Variants in PDE7A observed in about 807,000 individuals in gnomAD.
PDE7A encodes high affinity 3',5'-cyclic-AMP phosphodiesterase 7A.
PDE7A carries 39 observed loss-of-function variants against 64.3 expected under a neutral mutation model. That is an observed-to-expected ratio of 0.61 (90% CI 0.47 to 0.79). The LOEUF (loss-of-function observed/expected upper bound fraction) is 0.79. PDE7A is among the 30% of genes least tolerant of loss of function. The pLI is 0.00. For missense variants in PDE7A, 470 were observed against 582.8 expected, an observed-to-expected ratio of 0.81 and a Z score of 1.99; for synonymous variants, 203 against 206.8, an observed-to-expected ratio of 0.98 and a Z score of 0.16.
rs559806876 is a variant in PDE7A at position 65,733,550 on chromosome 8, G to A, written c.696+1244C>T. ...CTGGCCTCCAGCTTGAGCCCAGGATGTCGAGGCTGCAGTGAGCCATGATCA... is the reference window on the plus strand; with the variant it reads ...CTGGCCTCCAGCTTGAGCCCAGGATATCGAGGCTGCAGTGAGCCATGATCA... On this transcript the variant is annotated intron_variant, in intron 7 of 12. Coordinates refer to ENST00000401827, the MANE Select transcript of PDE7A (RefSeq NM_001242318.3). Among the ~76,000 whole-genome samples the A allele has an allele frequency of 3.9e-5, 6 of 152,102 alleles. 1 individual carries two copies. Among genetic ancestry groups the A allele is most frequent in the African/African-American group, 1.4e-4 (6 of 41,496 alleles).
At chr8:65,750,673 G>A (rs989524773) in intron 3 of PDE7A, among the ~76,000 whole-genome samples, 14 of 152,254 alleles carry the variant, frequency 9.2e-5, no homozygotes, top group Middle Eastern at 3.4e-3. Context: ...CAATGGTTAA[G>A]TCAATTGGTA....
At chr8:65,841,252 A>C in intron 1 of PDE7A, 119 bp downstream of exon 1, 1 of 1,172,492 alleles carries the variant, frequency 8.5e-7, no homozygotes, top group Non-Finnish European at 1.1e-6. Flanking sequence ...AGGCCAGCCT[A>C]GAAATCCCCA....
chr8:65,826,001 T>G (rs180682090), intron 1 of PDE7A, among the ~76,000 whole-genome samples: 1 of 152,272 alleles, frequency 6.6e-6, no homozygotes, highest in Admixed American at 6.5e-5. Context: ...AAGGCTCCTC[T>G]GCAAAGACTG....
intron 3 of PDE7A, among the ~76,000 whole-genome samples, chr8:65,767,374 A>G (rs184140568): frequency 4.6e-5 from 7 of 152,372 alleles, no homozygotes; most frequent in Admixed American, 1.3e-4. Context: ...AGGTTGAATA[A>G]AAGTTTTTAA....
intron 7 of PDE7A, among the ~76,000 whole-genome samples, chr8:65,729,342 C>T (rs1448446277): frequency 6.9e-6 from 1 of 145,312 alleles, no homozygotes; most frequent in East Asian, 2.0e-4. Context: ...ATGGTTATCA[C>T]AGTGAGTTTC....
At chr8:65,803,568 T>C (rs1449727160) in intron 1 of PDE7A, among the ~76,000 whole-genome samples, 1 of 152,222 alleles carries the variant, frequency 6.6e-6, no homozygotes, top group Non-Finnish European at 1.5e-5. Context: ...ATGGCTGGAA[T>C]AGGTGGTGTT....
At chr8:65,833,161 T>C (rs772581581) in intron 1 of PDE7A, among the ~76,000 whole-genome samples, 12 of 152,256 alleles carry the variant, frequency 7.9e-5, no homozygotes, top group Non-Finnish European at 1.5e-4. Flanking sequence ...CTTTAAATCC[T>C]GGAAGACAGC....
At chr8:65,747,517 A>G (rs1031830303) in intron 4 of PDE7A, 135 bp downstream of exon 4, 3 of 510,758 alleles carry the variant, frequency 5.9e-6, no homozygotes, top group Middle Eastern at 1.1e-3. Context: ...CTCTAAAGAA[A>G]AAAACCTGGA....
rs552477585 is a variant in PDE7A, at chr8:65,824,149, C to T, written c.138+17222G>A. Among the ~76,000 whole-genome samples the T allele has an allele frequency of 5.9e-5, 9 of 152,280 alleles. No individual in the cohort carries two copies. The South Asian group carries it at 1.0e-3, about 18-fold the overall frequency. On this transcript the variant is annotated intron_variant, in intron 1 of 12. Coordinates refer to ENST00000401827, the MANE Select transcript of PDE7A (RefSeq NM_001242318.3). ...CCATTTTCCCAACTGCATCTGCTCACTTCTTATCTCTATGTCACATTTTGA... is the reference window on the plus strand; with the variant it reads ...CCATTTTCCCAACTGCATCTGCTCATTTCTTATCTCTATGTCACATTTTGA...
chr8:65,824,236 G>T (rs1810611938), intron 1 of PDE7A, among the ~76,000 whole-genome samples: 1 of 152,124 alleles, frequency 6.6e-6, no homozygotes, highest in Admixed American at 6.6e-5. Flanking sequence ...CTGTGATAGT[G>T]ATCTTTAATG....
chr8:65,810,131 A>C (rs1418517676), intron 1 of PDE7A, among the ~76,000 whole-genome samples: 1 of 151,638 alleles, frequency 6.6e-6, no homozygotes, highest in Non-Finnish European at 1.5e-5. Context: ...GATTAAGAAA[A>C]TGTGGCACAT....
At chr8:65,761,450 T>C (rs1808490580) in intron 3 of PDE7A, among the ~76,000 whole-genome samples, 1 of 152,200 alleles carries the variant, frequency 6.6e-6, no homozygotes, top group African/African-American at 2.4e-5. Flanking sequence ...AAACTTGCCT[T>C]TATTAAAGCT....
At chr8:65,734,969 G>A (rs1372175475) in intron 6 of PDE7A, 75 bp from the exon 7 acceptor site, 13 of 927,982 alleles carry the variant, frequency 1.4e-5, no homozygotes, top group Non-Finnish European at 2.3e-5. Flanking sequence ...TGATAATTAT[G>A]AGTTACCCAC....
chr8:65,756,523 G>A (rs1212040659), intron 3 of PDE7A, among the ~76,000 whole-genome samples: 1 of 151,916 alleles, frequency 6.6e-6, no homozygotes, highest in Admixed American at 6.6e-5. Flanking sequence ...CTGCTCAAAG[G>A]TTTCAACAGC....
intron 1 of PDE7A, among the ~76,000 whole-genome samples, chr8:65,839,642 G>A (rs72650509): frequency 0.11 from 16,649 of 152,130 alleles, 1,011 homozygotes; most frequent in Non-Finnish European, 0.14. Flanking sequence ...TTTAAAAGTT[G>A]TAAGGGTTAG....
At chr8:65,778,386 G>A (rs1809317798) in intron 3 of PDE7A, among the ~76,000 whole-genome samples, 1 of 152,136 alleles carries the variant, frequency 6.6e-6, no homozygotes, top group African/African-American at 2.4e-5. Flanking sequence ...CCATCTTGGA[G>A]GTTCCAGCCC....
intron 1 of PDE7A, among the ~76,000 whole-genome samples, chr8:65,814,252 C>T (rs1283399231): frequency 1.3e-5 from 2 of 152,006 alleles, no homozygotes; most frequent in Admixed American, 6.5e-5. Context: ...TGGCTCACGC[C>T]TGTAATCCCA....
In PDE7A at chr8:65,841,942, T is replaced by C; in HGVS notation, c.-434A>G. On this transcript the variant is annotated 5_prime_UTR_variant, in exon 1 of 13. Coordinates refer to ENST00000401827, the MANE Select transcript of PDE7A (RefSeq NM_001242318.3). The stretch of plus-strand genomic sequence containing the variant: ...CGGCCAGACCCAGGGCGCGCGGGAC[T>C]CAGGAGCAGCGACCAGCTCGGGCCG... The C allele has an allele frequency of 4.2e-6, 1 of 238,430 alleles. No individual in the cohort carries two copies. The highest frequency in any genetic ancestry group is 7.9e-6 in the Non-Finnish European group (1 of 126,974). 14.8% of individuals were successfully genotyped at this position (238,430 alleles called of 1,614,324 possible).
intron 1 of PDE7A, among the ~76,000 whole-genome samples, chr8:65,812,842 C>T (rs75261154): frequency 2.5e-4 from 38 of 152,178 alleles, no homozygotes; most frequent in African/African-American, 7.9e-4. Flanking sequence ...GGCAAGGATT[C>T]GAAAGACTGA....
Sources: gnomAD v4.1 joint callset for allele counts (sites outside exome capture counted in the v4.1 genomes callset) on GRCh38, gnomAD v4.1.1 for gene constraint, MANE v1.5 for transcripts, NCBI Gene and HGNC (gene_info 2026-07-23, HGNC 2026-07-21) for gene names.